LRRIQ1: variants seen among roughly 807,000 people sequenced by gnomAD.
LRRIQ1 encodes the protein leucine-rich repeat- and IQ domain-containing protein 1.
LRRIQ1 carries 210 observed loss-of-function variants against 211.9 expected under a neutral mutation model. The ratio of observed to expected loss-of-function variants is 0.99; its 90% CI spans 0.89 to 1.11. The LOEUF (loss-of-function observed/expected upper bound fraction) is 1.11, where lower values mean the gene tolerates loss of function less well. LRRIQ1 is among the 50% of genes most tolerant of loss of function. The pLI is 0.00. For synonymous variants in LRRIQ1, 699 were observed against 650.1 expected (o/e 1.08, Z -1.14); for missense variants, 2,136 against 1,939.5 (o/e 1.10, Z -1.90).
chr12:85,144,481 T>C (rs1889755953), intron 19 of LRRIQ1, among the ~76,000 whole-genome samples: 1 of 151,622 alleles, frequency 6.6e-6, no homozygotes, highest in Admixed American at 6.6e-5. Flanking sequence ...GTGTAAGGTA[T>C]AACACTTTAC....
chr12:85,138,819 T>A (rs1889326970), intron 19 of LRRIQ1, among the ~76,000 whole-genome samples: 1 of 151,628 alleles, frequency 6.6e-6, no homozygotes, highest in African/African-American at 2.4e-5. Flanking sequence ...TTTTCTTTCA[T>A]CTACCTATAT....
chr12:85,125,452 G>A (rs1257614240), intron 17 of LRRIQ1, among the ~76,000 whole-genome samples: 1 of 152,056 alleles, frequency 6.6e-6, no homozygotes, highest in East Asian at 1.9e-4. Context: ...ATTTCTTCTT[G>A]TTCTTTTTAC....
At chr12:85,037,873 A>C (rs937269188) in intron 1 of LRRIQ1, among the ~76,000 whole-genome samples, 4 of 151,964 alleles carry the variant, frequency 2.6e-5, no homozygotes, top group Admixed American at 6.6e-5. Context: ...AACTGAAACA[A>C]AAATTTTATA....
At chr12:85,235,488 A>G (rs2137220542) in intron 26 of LRRIQ1, among the ~76,000 whole-genome samples, 1 of 152,308 alleles carries the variant, frequency 6.6e-6, no homozygotes, top group East Asian at 1.9e-4. Context: ...GGAGACGGGG[A>G]AGACCCTTTT....
In LRRIQ1 at chr12:85,203,382, G is replaced by GAGT. The variant is rs140157778; in HGVS notation, c.4823-26134_4823-26132dup. Among the ~76,000 whole-genome samples the GAGT allele has an allele frequency of 0.01, 1,567 of 152,272 alleles. 105 individuals carry two copies. The East Asian group carries it at 0.2, about 19-fold the overall frequency. ...CTAATACAGTAAATTGCTATCAGTA[G>GAGT]AGTGGGGCATTGCTGAAAAGATACC... On this transcript the variant is annotated intron_variant, in intron 24 of 26. Coordinates refer to ENST00000393217, the MANE Select transcript of LRRIQ1 (RefSeq NM_001079910.2).
intron 24 of LRRIQ1, among the ~76,000 whole-genome samples, chr12:85,191,193 C>A (rs1019526472): frequency 6.6e-6 from 1 of 152,044 alleles, no homozygotes; most frequent in Non-Finnish European, 1.5e-5. Flanking sequence ...CCATAGTTTA[C>A]ATTAGATCTC....
At chr12:85,212,122 A>G (rs1486789324) in intron 24 of LRRIQ1, among the ~76,000 whole-genome samples, 1 of 151,932 alleles carries the variant, frequency 6.6e-6, no homozygotes, top group Admixed American at 6.6e-5. Context: ...CAACAACAAC[A>G]ATAACAACAA....
chr12:85,065,043 C>T (rs1882284206), intron 8 of LRRIQ1, among the ~76,000 whole-genome samples: 1 of 151,714 alleles, frequency 6.6e-6, no homozygotes, highest in Non-Finnish European at 1.5e-5. Flanking sequence ...TACCTTTGGA[C>T]TTGAATTTGT....
intron 7 of LRRIQ1, among the ~76,000 whole-genome samples, chr12:85,054,054 T>C (rs1007328809): frequency 2.0e-5 from 3 of 152,246 alleles, no homozygotes; most frequent in Admixed American, 6.5e-5. Context: ...GTGCTATCTA[T>C]GATTGCAAAT....
intron 13 of LRRIQ1, among the ~76,000 whole-genome samples, chr12:85,103,018 A>G (rs2136303933): frequency 6.9e-6 from 1 of 144,514 alleles, no homozygotes; most frequent in African/African-American, 2.6e-5. Context: ...TTGCTTAAAG[A>G]TTCAGATGAG....
chr12:85,187,588 C>T (rs1892282285), intron 24 of LRRIQ1, among the ~76,000 whole-genome samples: 1 of 151,992 alleles, frequency 6.6e-6, no homozygotes, highest in African/African-American at 2.4e-5. Flanking sequence ...AGGTGGATCA[C>T]CTAAGGTCAG....
intron 24 of LRRIQ1, among the ~76,000 whole-genome samples, chr12:85,205,011 G>C (rs185962628): frequency 6.6e-6 from 1 of 152,246 alleles, no homozygotes; most frequent in East Asian, 1.9e-4. Context: ...GAGGGCCTAG[G>C]TGTGAGATAA....
chr12:85,198,021 T>A (rs34479695), intron 24 of LRRIQ1, among the ~76,000 whole-genome samples: 26,038 of 61,338 alleles, frequency 0.42, 5,667 homozygotes, highest in African/African-American at 0.74. Flanking sequence ...TATATTATAT[T>A]ATTATATATA....
At chr12:85,047,661 G>T in intron 6 of LRRIQ1, 191 bp downstream of exon 6, 1 of 502,350 alleles carries the variant, frequency 2.0e-6, no homozygotes, top group East Asian at 3.6e-5. Flanking sequence ...GAAATTCATT[G>T]GAAGGTCAGA....
intron 24 of LRRIQ1, among the ~76,000 whole-genome samples, chr12:85,193,603 T>C (rs1463718749): frequency 6.6e-6 from 1 of 150,454 alleles, no homozygotes; most frequent in African/African-American, 2.4e-5. Context: ...AATAAAATAC[T>C]TTACAGACAA....
intron 24 of LRRIQ1, among the ~76,000 whole-genome samples, chr12:85,196,699 C>T (rs946473790): frequency 1.3e-4 from 20 of 152,168 alleles, no homozygotes; most frequent in African/African-American, 4.1e-4. Flanking sequence ...AAGACTTAAA[C>T]ATTAGACCTA....
In LRRIQ1 at chr12:85,121,746, A is replaced by C. The variant is rs750373367; in HGVS notation, c.3427A>C (p.Ile1143Leu). 1 of 1,607,578 alleles carries C rather than the reference A, an allele frequency of 6.2e-7. No homozygotes were observed. The highest frequency in any genetic ancestry group is 1.3e-5 in the African/African-American group (1 of 74,808). The change falls in exon 16 of 27, where the codon ATA (isoleucine) becomes CTA (leucine). Residue 1143 changes from isoleucine (I) to leucine (L), a missense_variant. Coordinates refer to ENST00000393217, the MANE Select transcript of LRRIQ1 (RefSeq NM_001079910.2). The part of the protein sequence containing the change: ...LPALRILNGN[I>L]LNSNSESRTE... Reference sequence around the variant, plus strand: ...TGCTCTGAGAATCCTCAATGGCAATATACTAAACTCTAATTCAGAAAGCCG... The same window carrying C: ...TGCTCTGAGAATCCTCAATGGCAATCTACTAAACTCTAATTCAGAAAGCCG...
chr12:85,168,091 T>C (rs1447942086), intron 24 of LRRIQ1, among the ~76,000 whole-genome samples: 1 of 152,096 alleles, frequency 6.6e-6, no homozygotes, highest in Admixed American at 6.5e-5. Context: ...AAGAAGAAAA[T>C]ACTCTTGACA....
At position 85,130,179 on chromosome 12, in the gene LRRIQ1, A is replaced by G. The variant is rs141632710; in HGVS notation, c.4209+2146A>G. ...GCTAATCAAGGTATCCAGTATTTCC[A>G]TTTACTTAATTTGTCTATACTGTAC... On this transcript the variant is annotated intron_variant, in intron 18 of 26. Transcript: ENST00000393217. Among the ~76,000 whole-genome samples, 629 of 152,304 alleles carry G rather than the reference A, an allele frequency of 4.1e-3. 4 individuals carry two copies. The highest frequency in any genetic ancestry group is 0.014 in the African/African-American group (599 of 41,580).
Sources: allele counts gnomAD v4.1 joint callset (sites outside exome capture counted in the v4.1 genomes callset), GRCh38; gene constraint gnomAD v4.1.1; transcripts MANE v1.5; gene names NCBI Gene and HGNC (gene_info 2026-07-23, HGNC 2026-07-21).